Variants in SHISA9 observed in about 807,000 individuals in gnomAD.
SHISA9 encodes shisa family member 9.
A neutral mutation model predicts 38.0 loss-of-function variants in SHISA9; 13 were observed. The ratio of observed to expected loss-of-function variants is 0.34; its 90% CI spans 0.22 to 0.54. SHISA9 has a LOEUF of 0.54. Ranked by LOEUF, SHISA9 falls within the 20% of genes least tolerant of loss-of-function variation. The pLI is 0.91. For synonymous variants in SHISA9, 275 were observed against 242.0 expected (o/e 1.14, Z -1.27); for missense variants, 538 against 575.8 (o/e 0.93, Z 0.67).
intron 2 of SHISA9, among the ~76,000 whole-genome samples, chr16:13,158,465 A>C (rs1008039449): frequency 6.6e-6 from 1 of 152,184 alleles, no homozygotes; most frequent in African/African-American, 2.4e-5. Context: ...ACCATGCCAC[A>C]AAAGCTGTCC....
rs2051374548 is a variant in SHISA9, at chr16:13,235,494, C to A, written c.*85C>A. On this transcript the variant is annotated 3_prime_UTR_variant, in exon 5 of 5. Transcript: ENST00000558583. ...CCCGCCCACACCCTCCCCATCCTCCCCTAATACATGCGTCCACACACTCAC... is the reference window on the plus strand; with the variant it reads ...CCCGCCCACACCCTCCCCATCCTCCACTAATACATGCGTCCACACACTCAC... The A allele has an allele frequency of 3.6e-6, 5 of 1,408,112 alleles. No homozygotes were observed. The highest frequency in any genetic ancestry group is 2.9e-5 in the South Asian group (2 of 68,608). The allele number at this position is 1,408,112 out of a possible 1,614,324, so 87.2% of individuals were successfully genotyped here.
intron 2 of SHISA9, among the ~76,000 whole-genome samples, chr16:13,146,446 G>A (rs1045122061): frequency 6.6e-6 from 1 of 152,156 alleles, no homozygotes; most frequent in Non-Finnish European, 1.5e-5. Flanking sequence ...ATACAGGCAT[G>A]TAATGCATAA....
At chr16:13,380,486 G>T in the SHISA9 span, among the ~76,000 whole-genome samples, 5 of 152,064 alleles carry the variant, frequency 3.3e-5, no homozygotes, top group Non-Finnish European at 5.9e-5. Context: ...TAAAAATTCT[G>T]ACTACTAATA....
At chr16:13,253,488 G>A in the SHISA9 span, among the ~76,000 whole-genome samples, 5 of 152,170 alleles carry the variant, frequency 3.3e-5, no homozygotes, top group Non-Finnish European at 5.9e-5. Context: ...ACAGTTCCAC[G>A]TGGCTGGGGA....
chr16:13,253,249 T>C, the SHISA9 span, among the ~76,000 whole-genome samples: 2 of 152,220 alleles, frequency 1.3e-5, no homozygotes, highest in African/African-American at 4.8e-5. Flanking sequence ...GAAAGTTATA[T>C]GCAGATTTTT....
Position 12,979,970 on chromosome 16 carries a change from CAG to C in SHISA9, c.691+63158_691+63159del, listed in dbSNP as rs1203003656. On this transcript the variant is annotated intron_variant, in intron 2 of 4. Coordinates refer to ENST00000558583, the MANE Select transcript of SHISA9 (RefSeq NM_001145204.3). ...AATCTCCTGGGGATCATATTAAATG[CAG>C]AGTCTTTTTCAGCAGGTTGTGAATG... 2.6e-5 allele frequency among the ~76,000 whole-genome samples: 4 copies of C among 152,192 alleles called. No individual in the cohort carries two copies. In the East Asian group the frequency reaches 7.7e-4, roughly 29 times the overall value.
chr16:12,921,574 C>A (rs1024086336), intron 2 of SHISA9, among the ~76,000 whole-genome samples: 1 of 152,000 alleles, frequency 6.6e-6, no homozygotes, highest in Admixed American at 6.6e-5. Flanking sequence ...CCAGCCTGGG[C>A]AATAAGATGA....
chr16:13,158,545 T>C (rs949657285), intron 2 of SHISA9, among the ~76,000 whole-genome samples: 12 of 152,172 alleles, frequency 7.9e-5, no homozygotes, highest in African/African-American at 2.4e-4. Context: ...TCAAGATGGC[T>C]TATTCACTGT....
At chr16:13,487,826 C>A in the SHISA9 span, among the ~76,000 whole-genome samples, 2 of 152,144 alleles carry the variant, frequency 1.3e-5, no homozygotes, top group Middle Eastern at 3.2e-3. Flanking sequence ...GAATCTGCAA[C>A]ATGTAACCCT....
intron 2 of SHISA9, among the ~76,000 whole-genome samples, chr16:12,955,590 G>C (rs1336467587): frequency 6.8e-6 from 1 of 146,842 alleles, no homozygotes; most frequent in Non-Finnish European, 1.5e-5. Context: ...AGAGAACCCA[G>C]AAATAAAGCC....
chr16:13,103,315 C>G (rs1334998182), intron 2 of SHISA9, among the ~76,000 whole-genome samples: 1 of 152,216 alleles, frequency 6.6e-6, no homozygotes, highest in African/African-American at 2.4e-5. Context: ...GCATGAGTTT[C>G]ATGATTTATC....
chr16:12,915,891 A>G (rs998020580), intron 1 of SHISA9, among the ~76,000 whole-genome samples: 6 of 152,004 alleles, frequency 3.9e-5, no homozygotes, highest in African/African-American at 1.4e-4. Flanking sequence ...TAAACACATG[A>G]TGGAGTGTAA....
At chr16:13,306,788 T>G in the SHISA9 span, among the ~76,000 whole-genome samples, 3 of 152,218 alleles carry the variant, frequency 2.0e-5, no homozygotes, top group Non-Finnish European at 2.9e-5. Context: ...TCATACACTG[T>G]CACTTCTGCT....
At chr16:13,312,000 T>C in the SHISA9 span, among the ~76,000 whole-genome samples, 25 of 152,228 alleles carry the variant, frequency 1.6e-4, no homozygotes, top group Admixed American at 7.2e-4. Context: ...CCCAGTGGCT[T>C]TCAGGAAGGA....
At position 13,108,425 on chromosome 16, in the gene SHISA9, C is replaced by T. The variant is rs573557802; in HGVS notation, c.692-94969C>T. 8.9e-4 allele frequency among the ~76,000 whole-genome samples: 136 copies of T among 152,196 alleles called. 1 individual carries two copies. Among genetic ancestry groups the T allele is most frequent in the Non-Finnish European group, 1.6e-3 (107 of 68,010 alleles). ...GACTGCAGGCAGGCACCATCATGCC[C>T]GGCTAATTTTTTGAAGTTTTTGGAG... On this transcript the variant is annotated intron_variant, in intron 2 of 4. Transcript: ENST00000558583.
At chr16:13,047,624 A>G (rs912181336) in intron 2 of SHISA9, among the ~76,000 whole-genome samples, 6 of 152,176 alleles carry the variant, frequency 3.9e-5, no homozygotes, top group African/African-American at 7.2e-5. Flanking sequence ...CAGAAGAGCA[A>G]TAAATACAGA....
chr16:13,326,518 C>T, the SHISA9 span, among the ~76,000 whole-genome samples: 2 of 152,088 alleles, frequency 1.3e-5, no homozygotes, highest in Non-Finnish European at 2.9e-5. Context: ...GCCAGGAGTT[C>T]GAGACCAGCC....
chr16:12,967,754 T>A (rs7192086), intron 2 of SHISA9, among the ~76,000 whole-genome samples: 116,278 of 151,898 alleles, frequency 0.77, 44,654 homozygotes, highest in Middle Eastern at 0.79. Flanking sequence ...CTCCTAAAGA[T>A]ATTGTTGATC....
intron 2 of SHISA9, among the ~76,000 whole-genome samples, chr16:13,153,572 C>T (rs1264115154): frequency 1.3e-5 from 2 of 152,094 alleles, no homozygotes; most frequent in Non-Finnish European, 2.9e-5. Flanking sequence ...AGAGGGTTCT[C>T]AAGCACTGCC....
Sources: allele counts gnomAD v4.1 joint callset (sites outside exome capture counted in the v4.1 genomes callset), GRCh38; gene constraint gnomAD v4.1.1; transcripts MANE v1.5; gene names NCBI Gene and HGNC (gene_info 2026-07-23, HGNC 2026-07-21).